Variants in TRIM22 observed in about 807,000 individuals in gnomAD.
The protein encoded by TRIM22 is E3 ubiquitin-protein ligase TRIM22.
TRIM22 carries 45 observed loss-of-function variants against 53.6 expected under a neutral mutation model. The observed-to-expected ratio is 0.84, with a 90% CI of 0.66 to 1.08. The LOEUF (loss-of-function observed/expected upper bound fraction) is 1.08. TRIM22 is among the 50% of genes least tolerant of loss of function. TRIM22 has a pLI of 0.00. For missense variants in TRIM22, 616 were observed against 590.9 expected, an observed-to-expected ratio of 1.04 and a Z score of -0.44; for synonymous variants, 225 against 216.6, an observed-to-expected ratio of 1.04 and a Z score of -0.34.
intron 5 of TRIM22, among the ~76,000 whole-genome samples, chr11:5,707,851 T>G (rs529996113): frequency 6.6e-6 from 1 of 150,662 alleles, no homozygotes; most frequent in African/African-American, 2.4e-5. Flanking sequence ...GCATTATTAT[T>G]TTATCTAATT....
At chr11:5,706,075 G>T (rs1853453263) in intron 4 of TRIM22, among the ~76,000 whole-genome samples, 1 of 152,076 alleles carries the variant, frequency 6.6e-6, no homozygotes. Context: ...AACGTATTTC[G>T]CTGTTTTGTG....
At chr11:5,696,823 T>C (rs921956291) in intron 2 of TRIM22, 168 bp downstream of exon 2, 1 of 687,968 alleles carries the variant, frequency 1.5e-6, no homozygotes, top group Non-Finnish European at 2.3e-6. Flanking sequence ...AGGACACTGC[T>C]GCACATTGTT....
chr11:5,699,439 G>A lies in TRIM22; in HGVS notation c.750+894G>A, dbSNP rs977628721. On this transcript the variant is annotated intron_variant, in intron 4 of 7. Coordinates refer to ENST00000379965, the MANE Select transcript of TRIM22 (RefSeq NM_006074.5). ...CTCGGGAGGCTGAGGCAGGAGAATG[G>A]CGTGAACCCGGGAAGCGGAGCTTGC... 1.2e-4 allele frequency among the ~76,000 whole-genome samples: 17 copies of A among 140,872 alleles called. 1 individual carries two copies. The highest frequency in any genetic ancestry group is 6.3e-4 in the Admixed American group (9 of 14,196). The allele number at this position is 140,872 out of a possible 152,430, so 92.4% of individuals were successfully genotyped here. A position where few individuals can be genotyped will look rare whatever the true frequency, so the allele number is the denominator to read the frequency against.
rs145820941 is a variant in TRIM22 at position 5,700,727 on chromosome 11, C to T, written c.750+2182C>T. Among the ~76,000 whole-genome samples, 1,311 of 151,530 alleles carry T rather than the reference C, an allele frequency of 8.7e-3. 20 individuals are homozygous for T. The highest frequency in any genetic ancestry group is 0.029 in the African/African-American group (1,203 of 41,250). On this transcript the variant is annotated intron_variant, in intron 4 of 7. Coordinates refer to ENST00000379965, the MANE Select transcript of TRIM22 (RefSeq NM_006074.5). The stretch of plus-strand genomic sequence containing the variant: ...TCGGCTCACTGCAAACTCTGCCTCC[C>T]GGGTTCAAGCGATTCTCCTGCCTCA...
At chr11:5,694,560 GA>G (rs1488692486) in intron 1 of TRIM22, among the ~76,000 whole-genome samples, 1 of 152,196 alleles carries the variant, frequency 6.6e-6, no homozygotes, top group Non-Finnish European at 1.5e-5. Flanking sequence ...CTGCAGTGGA[GA>G]GAACTCTGAA....
At chr11:5,691,013 G>A (rs1176072100) in intron 1 of TRIM22, 1 of 152,266 alleles carries the variant, frequency 6.6e-6, no homozygotes. Context: ...TTAGTCCGAG[G>A]AGAGAGGCCG....
At chr11:5,708,472 G>T in intron 6 of TRIM22, 105 bp from the exon 7 acceptor site, 1 of 1,184,834 alleles carries the variant, frequency 8.4e-7, no homozygotes, top group South Asian at 1.5e-5. Flanking sequence ...CCAGTGCAAA[G>T]AATCCCAGTA....
At chr11:5,706,739 T>A (rs1853462325) in intron 5 of TRIM22, 123 bp downstream of exon 5, 1 of 988,878 alleles carries the variant, frequency 1.0e-6, no homozygotes, top group African/African-American at 1.6e-5. Flanking sequence ...TGTATTAAAT[T>A]GTCCCAAATT....
chr11:5,696,728 TG>T, intron 2 of TRIM22, 73 bp downstream of exon 2: 1 of 1,478,556 alleles, frequency 6.8e-7, no homozygotes, highest in South Asian at 1.3e-5. Context: ...CCACTTTTTT[TG>T]TCCTGCTTTA....
At chr11:5,696,863 A>C (rs1279812098) in intron 2 of TRIM22, 3 of 583,278 alleles carry the variant, frequency 5.1e-6, no homozygotes, top group Admixed American at 3.4e-5. Flanking sequence ...AATTTTTAGC[A>C]AGGAAAAGTT....
At chr11:5,694,539 A>T (rs942208409) in intron 1 of TRIM22, among the ~76,000 whole-genome samples, 3 of 152,192 alleles carry the variant, frequency 2.0e-5, no homozygotes, top group Non-Finnish European at 4.4e-5. Flanking sequence ...TGTTGTCTGT[A>T]TAAATCTGTG....
In TRIM22 at chr11:5,709,843, G is replaced by T. The variant is rs1265216474; in HGVS notation, c.*195G>T. On this transcript the variant is annotated 3_prime_UTR_variant, in exon 8 of 8. Transcript: ENST00000379965. ...TGCTGATTTAAACTGTAATTGTATT[G>T]CCGTACTGTGGGCTGGAAATCCCAA... is the stretch of plus-strand genomic sequence containing the variant. 5 of 582,760 alleles carry T rather than the reference G, an allele frequency of 8.6e-6. No individual in the cohort carries two copies. Among genetic ancestry groups the T allele is most frequent in the Non-Finnish European group, 1.5e-5 (5 of 336,346 alleles). The allele number at this position is 582,760 out of a possible 1,614,324, so 36.1% of individuals were successfully genotyped here.
In TRIM22 at chr11:5,708,166, T is replaced by A. The variant is rs748942733; in HGVS notation, c.774-7T>A. On this transcript the variant is annotated splice_region_variant and splice_polypyrimidine_tract_variant and intron_variant, in intron 5 of 7. Coordinates refer to ENST00000379965, the MANE Select transcript of TRIM22 (RefSeq NM_006074.5). ...GTGTAAAGGTTATCAATTTTTGTTA[T>A]CACTAGGAGTGAAAGCTGGACATTG... 1 of 1,610,026 alleles carries A rather than the reference T, an allele frequency of 6.2e-7. No homozygotes were observed. Among genetic ancestry groups the A allele is most frequent in the Admixed American group, 1.7e-5 (1 of 59,994 alleles).
intron 7 of TRIM22, among the ~76,000 whole-genome samples, 159 bp downstream of exon 7, chr11:5,708,762 G>T (rs1853506441): frequency 6.7e-6 from 1 of 150,258 alleles, no homozygotes; most frequent in Non-Finnish European, 1.5e-5. Context: ...TGTTGCCCAG[G>T]CTGGAGTGCA....
At chr11:5,692,657 G>T (rs1413164669) in intron 1 of TRIM22, among the ~76,000 whole-genome samples, 2 of 152,170 alleles carry the variant, frequency 1.3e-5, no homozygotes, top group African/African-American at 2.4e-5. Context: ...TTTAAAAGAT[G>T]TTGGCTAGGC....
intron 4 of TRIM22, among the ~76,000 whole-genome samples, chr11:5,699,501 G>A (rs1463531754): frequency 1.4e-4 from 14 of 100,238 alleles, no homozygotes; most frequent in Non-Finnish European, 1.9e-4. Context: ...TCCGCAGTCC[G>A]GCCTGGGCGA....
rs61735276 is a variant in TRIM22 at position 5,709,064 on chromosome 11, C to T, written c.913C>T (p.Leu305=). ...AATTTTTTCTACAGTGGACGTGATG[C>T]TGAATCCAGGCAGTGCCACTTCGAA... ...DVQYYWVDVM[L]NPGSATSNVA... The change falls in exon 8 of 8, where the codon CTG becomes TTG. Residue 305 remains leucine, a synonymous_variant. Coordinates refer to ENST00000379965, the MANE Select transcript of TRIM22 (RefSeq NM_006074.5). 0.036 allele frequency: 58,346 copies of T among 1,611,758 alleles called. 1,247 individuals are homozygous for T. The highest frequency in any genetic ancestry group is 0.061 in the Middle Eastern group (369 of 6,054).
chr11:5,697,998 A>C (rs10838549), intron 3 of TRIM22: 112,347 of 268,250 alleles, frequency 0.42, 24,659 homozygotes, highest in African/African-American at 0.58. Flanking sequence ...CCACTGTGCC[A>C]GGCCAGGTAG....
chr11:5,702,188 T>C (rs1032842865), intron 4 of TRIM22, among the ~76,000 whole-genome samples: 1 of 145,360 alleles, frequency 6.9e-6, no homozygotes, highest in Admixed American at 7.0e-5. Context: ...AACTAATATA[T>C]ATTAGTTATA....
Sources: allele counts gnomAD v4.1 joint callset (sites outside exome capture counted in the v4.1 genomes callset), GRCh38; gene constraint gnomAD v4.1.1; transcripts MANE v1.5; gene names NCBI Gene and HGNC (gene_info 2026-07-23, HGNC 2026-07-21).